The following SPOCK3 variants were observed in gnomAD, a reference collection of about 807,000 sequenced individuals.
SPOCK3 encodes SPARC (osteonectin), cwcv and kazal like domains proteoglycan 3.
In SPOCK3, 30 loss-of-function variants were observed where a neutral mutation model predicts 56.6. That is an observed-to-expected ratio of 0.53 (90% CI 0.40 to 0.72). The LOEUF is 0.72. Among genes scored for constraint, SPOCK3 ranks in the 30% least tolerant of loss-of-function variants. The pLI is 0.00. For synonymous variants in SPOCK3, 196 were observed against 183.3 expected (o/e 1.07, Z -0.56); for missense variants, 527 against 530.0 (o/e 0.99, Z 0.06).
At position 166,734,663 on chromosome 4, in the gene SPOCK3, A is replaced by G. The variant is rs777906557; in HGVS notation, c.*258T>C. 2.3e-5 allele frequency: 7 copies of G among 309,802 alleles called. No individual in the cohort carries two copies. Among genetic ancestry groups the G allele is most frequent in the Non-Finnish European group, 3.5e-5 (6 of 171,546 alleles). The allele number at this position is 309,802 out of a possible 1,614,324, so 19.2% of individuals were successfully genotyped here. ...GTTCTCGTGAAAAACTTATTATAGT[A>G]GCACTTCAAAACTTTATTTTGTCTG... On this transcript the variant is annotated 3_prime_UTR_variant, in exon 11 of 11. Transcript: ENST00000357545.
At chr4:167,149,545 G>A (rs2150413503) in intron 2 of SPOCK3, among the ~76,000 whole-genome samples, 1 of 152,080 alleles carries the variant, frequency 6.6e-6, no homozygotes, top group African/African-American at 2.4e-5. Context: ...GCTTGATATT[G>A]CTCATAATTT....
At chr4:167,097,039 T>C (rs115430140) in intron 2 of SPOCK3, among the ~76,000 whole-genome samples, 1,691 of 151,974 alleles carry the variant, frequency 0.011, 17 homozygotes, top group Non-Finnish European at 0.018. Flanking sequence ...TTTTATTTAT[T>C]CTGAAGGTGA....
chr4:166,845,987 G>A (rs1748019874), intron 6 of SPOCK3, among the ~76,000 whole-genome samples: 1 of 152,102 alleles, frequency 6.6e-6, no homozygotes, highest in Admixed American at 6.6e-5. Context: ...CTCCTGTACT[G>A]AATAGTGTAG....
chr4:167,209,925 A>G (rs1338904498), intron 2 of SPOCK3, among the ~76,000 whole-genome samples: 2 of 152,168 alleles, frequency 1.3e-5, no homozygotes, highest in African/African-American at 4.8e-5. Flanking sequence ...TTTGAATCAA[A>G]TATAGGGCAG....
intron 2 of SPOCK3, among the ~76,000 whole-genome samples, chr4:167,185,845 T>C (rs549828416): frequency 6.6e-6 from 1 of 152,320 alleles, no homozygotes; most frequent in African/African-American, 2.4e-5. Context: ...CAAATATTAT[T>C]TCATTTCTTT....
At chr4:167,219,287 T>G (rs755901829) in intron 2 of SPOCK3, among the ~76,000 whole-genome samples, 2 of 152,188 alleles carry the variant, frequency 1.3e-5, no homozygotes, top group Non-Finnish European at 2.9e-5. Flanking sequence ...CTTGATATTC[T>G]AAAACCGATT....
At chr4:166,848,067 G>A (rs1349520595) in intron 6 of SPOCK3, among the ~76,000 whole-genome samples, 1 of 152,124 alleles carries the variant, frequency 6.6e-6, no homozygotes, top group East Asian at 1.9e-4. Context: ...ATGTTGGATG[G>A]TGGTGTTCTC....
chr4:167,034,567 T>C (rs770317780), intron 3 of SPOCK3, among the ~76,000 whole-genome samples: 1 of 152,080 alleles, frequency 6.6e-6, no homozygotes, highest in Non-Finnish European at 1.5e-5. Context: ...TTTTATCAGC[T>C]CAGCAAGACT....
At position 166,906,371 on chromosome 4, in the gene SPOCK3, T is replaced by C. The variant is rs147988359; in HGVS notation, c.474+6249A>G. Among the ~76,000 whole-genome samples the C allele has an allele frequency of 3.9e-3, 589 of 152,060 alleles. 3 individuals are homozygous for C. The highest frequency in any genetic ancestry group is 0.013 in the African/African-American group (550 of 41,532). On this transcript the variant is annotated intron_variant, in intron 5 of 10. Coordinates refer to ENST00000357545, the MANE Select transcript of SPOCK3 (RefSeq NM_001040159.2). ...TTTGTGTAGAAACGGGTTTTTGCCATGTTGCCAATGCTTGTCTTGAACTCC... is the reference window on the plus strand; with the variant it reads ...TTTGTGTAGAAACGGGTTTTTGCCACGTTGCCAATGCTTGTCTTGAACTCC...
Position 167,110,042 on chromosome 4 carries a change from G to A in SPOCK3, c.190-47505C>T, listed in dbSNP as rs2150345288. 1.3e-5 allele frequency among the ~76,000 whole-genome samples: 2 copies of A among 151,936 alleles called. 1 individual carries two copies. Among genetic ancestry groups the A allele is most frequent in the South Asian group, 4.1e-4 (2 of 4,822 alleles). On this transcript the variant is annotated intron_variant, in intron 2 of 10. Transcript: ENST00000357545. ...TTCCTCTCTCTAGGGTATTTGCTTG[G>A]GTAAAGCATAATTCTTTAAGCCACA...
At chr4:166,795,184 T>G (rs1408562244) in intron 6 of SPOCK3, among the ~76,000 whole-genome samples, 1 of 152,202 alleles carries the variant, frequency 6.6e-6, no homozygotes, top group African/African-American at 2.4e-5. Context: ...TGAATTCATG[T>G]TACCTTGTCC....
intron 2 of SPOCK3, among the ~76,000 whole-genome samples, chr4:167,138,325 A>G (rs975214621): frequency 1.3e-5 from 2 of 151,840 alleles, no homozygotes; most frequent in African/African-American, 4.8e-5. Flanking sequence ...AGTCCTATTT[A>G]CTGAATTTTT....
In SPOCK3 at chr4:166,737,588, CAG is replaced by C. The variant is rs1734343274; in HGVS notation, c.1009_1010del (p.Leu337ValfsTer2). 6.2e-7 allele frequency: 1 copy of C among 1,612,326 alleles called. No individual in the cohort carries two copies. Among genetic ancestry groups the C allele is most frequent in the Non-Finnish European group, 8.5e-7 (1 of 1,179,218 alleles). On this transcript the variant is annotated frameshift_variant, in exon 10 of 11. Transcript: ENST00000357545. LOFTEE classifies it high-confidence loss of function. ...VKKLLGQYIP[L>X]CDEDGYYKPT... The stretch of plus-strand genomic sequence containing the variant: ...GCTTGTAGTAACCATCTTCATCACA[CAG>C]GGGGATATACTGTCCTGTTGAAACA...
At chr4:166,841,639 T>A (rs1280928196) in intron 6 of SPOCK3, among the ~76,000 whole-genome samples, 3 of 143,796 alleles carry the variant, frequency 2.1e-5, no homozygotes, top group South Asian at 4.3e-4. Context: ...TGGAAAATTA[T>A]AAAAATGTCC....
At chr4:166,826,785 C>A (rs1222846368) in intron 6 of SPOCK3, among the ~76,000 whole-genome samples, 1 of 151,878 alleles carries the variant, frequency 6.6e-6, no homozygotes, top group Non-Finnish European at 1.5e-5. Context: ...TTCTTTAAAT[C>A]TATGTCACTC....
chr4:167,060,153 A>G (rs1272708906), intron 3 of SPOCK3, among the ~76,000 whole-genome samples: 1 of 152,002 alleles, frequency 6.6e-6, no homozygotes, highest in Non-Finnish European at 1.5e-5. Context: ...AAGTATAATA[A>G]TAATAAAATA....
intron 4 of SPOCK3, among the ~76,000 whole-genome samples, chr4:166,914,912 G>A (rs548777653): frequency 9.2e-5 from 14 of 151,844 alleles, no homozygotes; most frequent in Admixed American, 4.6e-4. Context: ...TTAACCATAC[G>A]GAACACTAAA....
At chr4:166,962,023 G>A (rs1744197875) in intron 4 of SPOCK3, among the ~76,000 whole-genome samples, 2 of 152,020 alleles carry the variant, frequency 1.3e-5, no homozygotes, top group South Asian at 4.1e-4. Flanking sequence ...TCCTTAGCTT[G>A]GATTCCCTGC....
intron 2 of SPOCK3, among the ~76,000 whole-genome samples, chr4:167,221,446 AC>A (rs1302448635): frequency 5.9e-5 from 9 of 152,282 alleles, no homozygotes; most frequent in Admixed American, 5.9e-4. Context: ...AAAGTGGTCA[AC>A]TGTTAATTTT....
Sources: gnomAD v4.1 joint callset for allele counts (sites outside exome capture counted in the v4.1 genomes callset) on GRCh38, gnomAD v4.1.1 for gene constraint, MANE v1.5 for transcripts, NCBI Gene and HGNC (gene_info 2026-07-23, HGNC 2026-07-21) for gene names.